Variants in LNPK observed in about 807,000 individuals in gnomAD.
The protein encoded by LNPK is endoplasmic reticulum junction formation protein lunapark.
In LNPK, 29 loss-of-function variants were observed where a neutral mutation model predicts 55.2. The observed-to-expected ratio is 0.53, with a 90% CI of 0.39 to 0.72. The LOEUF (loss-of-function observed/expected upper bound fraction) is 0.72. Among genes scored for constraint, LNPK ranks in the 30% least tolerant of loss-of-function variants. LNPK has a pLI of 0.00. For synonymous variants in LNPK, 162 were observed against 168.2 expected (o/e 0.96, Z 0.29); for missense variants, 467 against 494.8 (o/e 0.94, Z 0.53).
chr2:175,981,151 G>A (rs1266495677), intron 4 of LNPK, among the ~76,000 whole-genome samples: 2 of 152,090 alleles, frequency 1.3e-5, no homozygotes, highest in African/African-American at 4.8e-5. Context: ...CACCAGTGTT[G>A]GTCTGTGCCA....
intron 1 of LNPK, among the ~76,000 whole-genome samples, chr2:175,997,027 CAAAAT>C (rs1219719094): frequency 6.6e-6 from 1 of 152,140 alleles, no homozygotes; most frequent in African/African-American, 2.4e-5. Context: ...AACGTAAACA[CAAAAT>C]AATACCAGTA....
At position 175,938,322 on chromosome 2, in the gene LNPK, C is replaced by T; in HGVS notation, c.874G>A (p.Glu292Lys). 6.3e-7 allele frequency: 1 copy of T among 1,582,160 alleles called. No homozygotes were observed. Among genetic ancestry groups the T allele is most frequent in the Non-Finnish European group, 8.7e-7 (1 of 1,153,078 alleles). Reference sequence around the variant, plus strand: ...GCCCAATAATTCTTACCAATGTATTCAAATTCTTCCTTCAAAGCCATGCCA... The same window carrying T: ...GCCCAATAATTCTTACCAATGTATTTAAATTCTTCCTTCAAAGCCATGCCA... ...HNGMALKEEF[E>K]YIAFRCAYCF... The change falls in exon 11 of 13, where the codon GAA (glutamate) becomes AAA (lysine). Residue 292 changes from glutamate (E) to lysine (K), a missense_variant. Glu to Lys is a moderately conservative substitution (Grantham distance 56). Coordinates refer to ENST00000272748, the MANE Select transcript of LNPK (RefSeq NM_030650.3).
In LNPK at chr2:175,968,424, T is replaced by C. The variant is rs138258418; in HGVS notation, c.357+2340A>G. On this transcript the variant is annotated intron_variant, in intron 6 of 12. Coordinates refer to ENST00000272748, the MANE Select transcript of LNPK (RefSeq NM_030650.3). Reference sequence around the variant, plus strand: ...CATTTAAAGAGGTAATCTTGACTCATGTATTTTGATAGAGCTTGATTTTTG... The same window carrying C: ...CATTTAAAGAGGTAATCTTGACTCACGTATTTTGATAGAGCTTGATTTTTG... 1.1e-3 allele frequency among the ~76,000 whole-genome samples: 161 copies of C among 152,340 alleles called. 1 individual carries two copies. Among genetic ancestry groups the C allele is most frequent in the African/African-American group, 3.5e-3 (144 of 41,594 alleles).
chr2:175,960,037 C>T (rs191536707), intron 8 of LNPK, among the ~76,000 whole-genome samples: 66 of 152,220 alleles, frequency 4.3e-4, no homozygotes, highest in Middle Eastern at 3.4e-3. Context: ...ATGCACCCAA[C>T]ACAGGAGCAC....
intron 9 of LNPK, among the ~76,000 whole-genome samples, chr2:175,943,188 T>C (rs953315010): frequency 6.7e-6 from 1 of 149,500 alleles, no homozygotes; most frequent in African/African-American, 2.5e-5. Context: ...GGTCACAGTT[T>C]TTCTTAAAGA....
intron 5 of LNPK, 46 bp from the exon 6 acceptor site, chr2:175,970,850 G>GA: frequency 1.5e-6 from 2 of 1,368,096 alleles, no homozygotes; most frequent in Admixed American, 2.7e-5. Context: ...TTAGATATAA[G>GA]AAAAAATCAC....
chr2:175,928,647 A>T lies in LNPK; in HGVS notation c.*1320T>A, dbSNP rs1254868065. ...AACATTAGCCAAACACACCATTCTT[A>T]TACAGGTATATTTTTCCCTTCAGCA... is the stretch of plus-strand genomic sequence containing the variant. On this transcript the variant is annotated 3_prime_UTR_variant, in exon 13 of 13. Coordinates refer to ENST00000272748, the MANE Select transcript of LNPK (RefSeq NM_030650.3). 1.3e-5 allele frequency: 2 copies of T among 152,096 alleles called. No homozygotes were observed. Among genetic ancestry groups the T allele is most frequent in the South Asian group, 2.1e-4 (1 of 4,828 alleles). 9.4% of individuals were successfully genotyped at this position (152,096 alleles called of 1,614,324 possible). A position where few individuals can be genotyped will look rare whatever the true frequency, so the allele number is the denominator to read the frequency against.
At chr2:175,949,882 TGTTCTG>T (rs554087431) in intron 8 of LNPK, among the ~76,000 whole-genome samples, 31 of 152,124 alleles carry the variant, frequency 2.0e-4, no homozygotes, top group Non-Finnish European at 4.0e-4. Context: ...TATTATAAAA[TGTTCTG>T]GTAGTCTCAA....
chr2:175,984,295 C>T (rs536206570), intron 4 of LNPK, among the ~76,000 whole-genome samples: 40 of 151,852 alleles, frequency 2.6e-4, no homozygotes, highest in Non-Finnish European at 4.7e-4. Context: ...TCTCCTGCCT[C>T]GGCCTCCCTA....
At chr2:175,997,180 C>T (rs1326905973) in intron 1 of LNPK, among the ~76,000 whole-genome samples, 2 of 152,106 alleles carry the variant, frequency 1.3e-5, no homozygotes, top group African/African-American at 4.8e-5. Context: ...TTTTTAAGGA[C>T]AGAAACACCT....
chr2:175,938,529 C>A (rs1284860485), intron 10 of LNPK, 146 bp from the exon 11 acceptor site: 1 of 430,300 alleles, frequency 2.3e-6, no homozygotes, highest in Non-Finnish European at 4.3e-6. Flanking sequence ...AAACAACAAA[C>A]AATATTCATT....
intron 12 of LNPK, 131 bp from the exon 13 acceptor site, chr2:175,930,330 C>G (rs1200057259): frequency 1.5e-6 from 1 of 652,578 alleles, no homozygotes; most frequent in South Asian, 2.0e-5. Context: ...AGAAACCATA[C>G]AATTGTCTAA....
At chr2:175,994,744 CT>C (rs1252197174) in intron 2 of LNPK, among the ~76,000 whole-genome samples, 1 of 151,488 alleles carries the variant, frequency 6.6e-6, no homozygotes, top group Non-Finnish European at 1.5e-5. Context: ...TATTTTCGAG[CT>C]GTAACTTTGA....
At chr2:175,990,013 C>T (rs56116451) in intron 4 of LNPK, among the ~76,000 whole-genome samples, 8,937 of 152,258 alleles carry the variant, frequency 0.059, 344 homozygotes, top group South Asian at 0.097. Flanking sequence ...AGGTAGATTT[C>T]TAAACTATAT....
chr2:176,000,643 G>A (rs1177148054), intron 1 of LNPK, among the ~76,000 whole-genome samples: 1 of 152,136 alleles, frequency 6.6e-6, no homozygotes, highest in African/African-American at 2.4e-5. Context: ...GAAGGAAACA[G>A]CAAAGGAAGT....
chr2:175,981,037 T>C (rs1356822317), intron 4 of LNPK, among the ~76,000 whole-genome samples: 1 of 152,224 alleles, frequency 6.6e-6, no homozygotes, highest in East Asian at 1.9e-4. Flanking sequence ...GAAAATTAGT[T>C]CTTCACTCTG....
intron 12 of LNPK, chr2:175,935,745 C>G: frequency 1.0e-6 from 1 of 977,010 alleles, no homozygotes; most frequent in Non-Finnish European, 1.2e-6. Flanking sequence ...AGACTTCTTT[C>G]CAGGAATTTC....
At chr2:175,946,103 G>A (rs1010111538) in intron 9 of LNPK, among the ~76,000 whole-genome samples, 3 of 152,098 alleles carry the variant, frequency 2.0e-5, no homozygotes, top group Non-Finnish European at 4.4e-5. Flanking sequence ...AAAAACTTCA[G>A]TAAAACATGT....
chr2:175,937,216 G>C (rs1290690924), intron 12 of LNPK, 128 bp downstream of exon 12: 1 of 818,538 alleles, frequency 1.2e-6, no homozygotes, highest in Admixed American at 2.8e-5. Context: ...TGGTAACAGA[G>C]CCGTAGTTGA....
Sources: allele counts gnomAD v4.1 joint callset (sites outside exome capture counted in the v4.1 genomes callset), GRCh38; gene constraint gnomAD v4.1.1; transcripts MANE v1.5; gene names NCBI Gene and HGNC (gene_info 2026-07-23, HGNC 2026-07-21).